The following AOC3 variants were observed in gnomAD, a reference collection of about 807,000 sequenced individuals.
The protein encoded by AOC3 is amine oxidase copper containing 3, also known as amine oxidase [copper-containing] 3.
A neutral mutation model predicts 55.4 loss-of-function variants in AOC3; 47 were observed. That is an observed-to-expected ratio of 0.85 (90% CI 0.67 to 1.08). AOC3 has a LOEUF of 1.08. Among genes scored for constraint, AOC3 ranks in the 50% least tolerant of loss-of-function variants. The probability of loss-of-function intolerance (pLI) is 0.00; values close to 1 mark genes in which losing one functional copy is unlikely to be tolerated. For synonymous variants in AOC3, 386 were observed against 410.7 expected, an observed-to-expected ratio of 0.94 and a Z score of 0.73; for missense variants, 853 against 993.1, an observed-to-expected ratio of 0.86 and a Z score of 1.90.
Position 42,852,664 on chromosome 17 carries a change from C to G in AOC3, c.1321C>G (p.Arg441Gly). Residue 441 changes from arginine (R) to glycine (G), a missense_variant, in exon 1 of 4, where the codon CGG becomes GGG. Physicochemically the swap from Arg to Gly is moderately radical, Grantham distance 125. Coordinates refer to ENST00000308423, the MANE Select transcript of AOC3 (RefSeq NM_003734.4). ...VFEQNQGLPL[R>G]RHHSDLYSHY... ...TGAACAGAACCAGGGCCTCCCCCTG[C>G]GGCGACACCACTCAGATCTCTACTC... is the stretch of plus-strand genomic sequence containing the variant. 1.2e-6 allele frequency: 2 copies of G among 1,614,164 alleles called. No homozygotes were observed. The highest frequency in any genetic ancestry group is 3.3e-5 in the Admixed American group (2 of 60,024).
At chr17:42,856,201 G>C in intron 3 of AOC3, 74 bp from the exon 4 acceptor site, 2 of 1,557,310 alleles carry the variant, frequency 1.3e-6, no homozygotes, top group Non-Finnish European at 1.7e-6. Context: ...CCTTGGGCTG[G>C]TGAGCTGAAT....
Position 42,851,965 on chromosome 17 carries a change from C to T in AOC3, c.622C>T (p.Leu208=). 3 of 1,613,804 alleles carry T rather than the reference C, an allele frequency of 1.9e-6. No individual in the cohort carries two copies. Among genetic ancestry groups the T allele is most frequent in the Non-Finnish European group, 2.5e-6 (3 of 1,179,862 alleles). ...CCFYKHRGRN[L]VTMTTAPRGL... is the part of the protein sequence containing the mutation. ...CTTCTACAAGCACCGGGGACGGAAC[C>T]TGGTGACAATGACCACGGCTCCCCG... Residue 208 remains leucine, a synonymous_variant, in exon 1 of 4, where the codon CTG becomes TTG. Transcript: ENST00000308423.
In AOC3 at chr17:42,851,840, A is replaced by G. The variant is rs1482187131; in HGVS notation, c.497A>G (p.Tyr166Cys). The G allele has an allele frequency of 1.2e-5, 20 of 1,613,462 alleles. No homozygotes were observed. The highest frequency in any genetic ancestry group is 1.4e-5 in the Non-Finnish European group (16 of 1,180,024). ...GAGCGTCATGGAGGCCCCCTGCCCT[A>G]TCACCGACGCCCCGTGCTGTTCCAA... ...TVERHGGPLP[Y>C]HRRPVLFQEY... Residue 166 changes from tyrosine (Y) to cysteine (C), a missense_variant, in exon 1 of 4, where the codon TAT (tyrosine) becomes TGT (cysteine). Transcript: ENST00000308423.
rs2055755037 is a variant in AOC3, at chr17:42,856,679, C to T, written c.*129C>T. The T allele has an allele frequency of 8.9e-7, 1 of 1,117,910 alleles. No individual in the cohort carries two copies. The highest frequency in any genetic ancestry group is 1.5e-5 in the South Asian group (1 of 65,172). 69.2% of individuals were successfully genotyped at this position (1,117,910 alleles called of 1,614,324 possible). A position where few individuals can be genotyped will look rare whatever the true frequency, so the allele number is the denominator to read the frequency against. On this transcript the variant is annotated 3_prime_UTR_variant, in exon 4 of 4. Transcript: ENST00000308423. ...GCCAGGACTCTCTTTCTTCCACTAC[C>T]CTCCCTCGCATCCGCCTCTGAGCCA...
chr17:42,855,520 G>GC lies in AOC3; in HGVS notation c.1968dup (p.Thr657HisfsTer6), dbSNP rs2055737344. 1.2e-6 allele frequency: 2 copies of GC among 1,613,886 alleles called. No homozygotes were observed. The highest frequency in any genetic ancestry group is 3.3e-5 in the Admixed American group (2 of 59,984). ...CGTTTTCAATCAGAATGACCCTTGG[G>GC]CCCCCACTGTGGATTTCAGTGACTT... On this transcript the variant is annotated frameshift_variant, in exon 3 of 4. Transcript: ENST00000308423. LOFTEE classifies it high-confidence loss of function.
Position 42,854,559 on chromosome 17 carries a change from T to A in AOC3, c.1712T>A (p.Met571Lys). 6.2e-7 allele frequency: 1 copy of A among 1,611,028 alleles called. No homozygotes were observed. The highest frequency in any genetic ancestry group is 8.5e-7 in the Non-Finnish European group (1 of 1,178,608). The stretch of plus-strand genomic sequence containing the variant: ...CAGGTGACCCGGAAGCTGCTGGAGA[T>A]GGAGGAGCAGGCCGCCTTCCTCGTG... ...RLQVTRKLLEMEEQAAFLVGS... is the reference protein window; with the variant it reads ...RLQVTRKLLEKEEQAAFLVGS... The change falls in exon 2 of 4, where the codon ATG becomes AAG. Residue 571 changes from methionine to lysine, a missense_variant. Coordinates refer to ENST00000308423, the MANE Select transcript of AOC3 (RefSeq NM_003734.4).
chr17:42,851,857 C>T lies in AOC3; in HGVS notation c.514C>T (p.Leu172=), dbSNP rs375511. 1.0e-4 allele frequency: 167 copies of T among 1,613,542 alleles called. 4 individuals carry two copies. The South Asian group carries it at 1.4e-3, about 14-fold the overall frequency. ...GPLPYHRRPV[L]FQEYLDIDQM... ...CCTGCCCTATCACCGACGCCCCGTG[C>T]TGTTCCAAGAGTACCTGGACATAGA... Residue 172 remains leucine (L), a synonymous_variant, in exon 1 of 4, where the codon CTG becomes TTG. Coordinates refer to ENST00000308423, the MANE Select transcript of AOC3 (RefSeq NM_003734.4).
At chr17:42,854,764 G>C in intron 2 of AOC3, 31 bp downstream of exon 2, 2 of 1,456,078 alleles carry the variant, frequency 1.4e-6, no homozygotes, top group African/African-American at 2.9e-5. Context: ...GAGGAGGGGG[G>C]CAGTGAGAGT....
In AOC3 at chr17:42,855,457, G is replaced by A; in HGVS notation, c.1900G>A (p.Val634Met). Residue 634 changes from valine to methionine, a missense_variant, in exon 3 of 4, where the codon GTG (valine) becomes ATG (methionine). Coordinates refer to ENST00000308423, the MANE Select transcript of AOC3 (RefSeq NM_003734.4). ...GFSWERYQLA[V>M]TQRKEEEPSS... ...GTGCCTCCCTAGGTACCAGCTGGCT[G>A]TGACCCAGCGGAAGGAGGAGGAGCC... is the stretch of plus-strand genomic sequence containing the variant. The A allele has an allele frequency of 6.2e-7, 1 of 1,606,524 alleles. No homozygotes were observed. The highest frequency in any genetic ancestry group is 8.5e-7 in the Non-Finnish European group (1 of 1,176,778).
intron 1 of AOC3, chr17:42,854,067 A>G (rs993788795): frequency 5.8e-6 from 1 of 171,466 alleles, no homozygotes; most frequent in Non-Finnish European, 1.2e-5. Context: ...CTGCAACTGT[A>G]TTCCTGTGAT....
At position 42,857,415 on chromosome 17, in the gene AOC3, TAATG is replaced by T. The variant is rs1480557693; in HGVS notation, c.*868_*871del. On this transcript the variant is annotated 3_prime_UTR_variant, in exon 4 of 4. Coordinates refer to ENST00000308423, the MANE Select transcript of AOC3 (RefSeq NM_003734.4). ...TTCAAGTGATTTGGGGGTGCAATGA[TAATG>T]AAGAATGGCCATTTTGTACCAGGGC... The T allele has an allele frequency of 6.6e-6, 1 of 152,356 alleles. No homozygotes were observed. Among genetic ancestry groups the T allele is most frequent in the Admixed American group, 6.5e-5 (1 of 15,268 alleles). The allele number at this position is 152,356 out of a possible 1,614,324, so 9.4% of individuals were successfully genotyped here. A position where few individuals can be genotyped will look rare whatever the true frequency, so the allele number is the denominator to read the frequency against.
chr17:42,856,165 G>A (rs1908565594), intron 3 of AOC3, 110 bp from the exon 4 acceptor site: 6 of 1,392,648 alleles, frequency 4.3e-6, no homozygotes, highest in Non-Finnish European at 4.9e-6. Flanking sequence ...CTACCCAGCA[G>A]GAAAAAATGT....
chr17:42,851,331 T>A lies in AOC3; in HGVS notation c.-13T>A, dbSNP rs1168118807. The A allele has an allele frequency of 6.3e-7, 1 of 1,580,088 alleles. No individual in the cohort carries two copies. The highest frequency in any genetic ancestry group is 2.2e-5 in the East Asian group (1 of 44,578). ...CTCCTTTGGTTGAATCAGCTGTCCC[T>A]CTTCGTGGGAAAATGAACCAGAAGA... On this transcript the variant is annotated 5_prime_UTR_variant, in exon 1 of 4. Transcript: ENST00000308423.
chr17:42,853,513 A>C lies in AOC3; in HGVS notation c.1600+570A>C, dbSNP rs1241991511. 4 of 587,752 alleles carry C rather than the reference A, an allele frequency of 6.8e-6. No homozygotes were observed. The African/African-American group carries it at 8.1e-5, about 12-fold the overall frequency. 36.4% of individuals were successfully genotyped at this position (587,752 alleles called of 1,614,324 possible). On this transcript the variant is annotated intron_variant, in intron 1 of 3. Coordinates refer to ENST00000308423, the MANE Select transcript of AOC3 (RefSeq NM_003734.4). ...TAGATCCTGGAGTCTGGTCACAGAG[A>C]GAGCCAAGGCTACATGATGGCTTGG...
chr17:42,855,761 G>A (rs2055741032), intron 3 of AOC3, among the ~76,000 whole-genome samples, 188 bp downstream of exon 3: 1 of 152,166 alleles, frequency 6.6e-6, no homozygotes, highest in Admixed American at 6.5e-5. Flanking sequence ...GTGAGGCCCT[G>A]GGCCTGTCCT....
chr17:42,854,544 G>A lies in AOC3; in HGVS notation c.1697G>A (p.Arg566Gln), dbSNP rs75260501. The A allele has an allele frequency of 2.5e-4, 407 of 1,610,520 alleles. No homozygotes were observed. In the African/African-American group the frequency reaches 4.3e-3, roughly 17 times the overall value. Residue 566 changes from arginine to glutamine, a missense_variant, in exon 2 of 4, where the codon CGG becomes CAG. Coordinates refer to ENST00000308423, the MANE Select transcript of AOC3 (RefSeq NM_003734.4). ...CAGCTGCAGAGGCTGCAGGTGACCC[G>A]GAAGCTGCTGGAGATGGAGGAGCAG... is the stretch of plus-strand genomic sequence containing the variant. ...EHQLQRLQVT[R>Q]KLLEMEEQAA...
At chr17:42,853,188 G>T (rs2055700326) in intron 1 of AOC3, 9 of 1,353,634 alleles carry the variant, frequency 6.6e-6, no homozygotes, top group South Asian at 1.7e-5. Flanking sequence ...CCGAGCTCAG[G>T]GAGGAGGCAG....
intron 2 of AOC3, among the ~76,000 whole-genome samples, chr17:42,855,046 C>T (rs2055730506): frequency 1.3e-5 from 2 of 152,046 alleles, no homozygotes; most frequent in Non-Finnish European, 2.9e-5. Flanking sequence ...AGGGTTTCAC[C>T]ATGTTGGCCA....
rs1003587916 is a variant in AOC3 at position 42,857,557 on chromosome 17, C to G, written c.*1007C>G. 6.6e-6 allele frequency: 1 copy of G among 152,322 alleles called. No individual in the cohort carries two copies. The highest frequency in any genetic ancestry group is 1.5e-5 in the Non-Finnish European group (1 of 68,042). 9.4% of individuals were successfully genotyped at this position (152,322 alleles called of 1,614,324 possible). Reference sequence around the variant, plus strand: ...CAGCCACCCAGCCAGGAGGGGCTGTCCAATCACATTCAGGCATGCGAATGA... The same window carrying G: ...CAGCCACCCAGCCAGGAGGGGCTGTGCAATCACATTCAGGCATGCGAATGA... On this transcript the variant is annotated 3_prime_UTR_variant, in exon 4 of 4. Coordinates refer to ENST00000308423, the MANE Select transcript of AOC3 (RefSeq NM_003734.4).
Sources: gnomAD v4.1 joint callset for allele counts (sites outside exome capture counted in the v4.1 genomes callset) on GRCh38, gnomAD v4.1.1 for gene constraint, MANE v1.5 for transcripts, NCBI Gene and HGNC (gene_info 2026-07-23, HGNC 2026-07-21) for gene names.